Variants in GRID2 observed in about 807,000 individuals in gnomAD.
GRID2 encodes the protein glutamate ionotropic receptor delta type subunit 2.
Under a neutral mutation model 114.8 loss-of-function variants are expected in GRID2, and 33 were observed. That is an observed-to-expected ratio of 0.29 (90% CI 0.22 to 0.38). The LOEUF is 0.38. Among genes scored for constraint, GRID2 ranks in the 10% least tolerant of loss-of-function variants. The pLI is 1.00. For synonymous variants in GRID2, 505 were observed against 449.9 expected, an observed-to-expected ratio of 1.12 and a Z score of -1.55; for missense variants, 1,184 against 1,257.7, an observed-to-expected ratio of 0.94 and a Z score of 0.89.
chr4:92,865,320 G>T (rs1744784372), intron 2 of GRID2, among the ~76,000 whole-genome samples: 1 of 152,094 alleles, frequency 6.6e-6, no homozygotes, highest in Admixed American at 6.5e-5. Flanking sequence ...TCTAACAAAT[G>T]GATGTTTTGG....
At chr4:92,552,808 T>C (rs1214064836) in intron 1 of GRID2, among the ~76,000 whole-genome samples, 1 of 152,154 alleles carries the variant, frequency 6.6e-6, no homozygotes, top group Non-Finnish European at 1.5e-5. Context: ...GGACTTAGAA[T>C]AACAAGCAAA....
intron 2 of GRID2, among the ~76,000 whole-genome samples, chr4:93,012,876 A>C (rs1560794691): frequency 6.6e-6 from 1 of 151,974 alleles, no homozygotes; most frequent in African/African-American, 2.4e-5. Context: ...TATACGTGGG[A>C]ATATATATGA....
intron 11 of GRID2, among the ~76,000 whole-genome samples, chr4:93,490,141 A>G (rs1163974826): frequency 6.6e-6 from 1 of 151,938 alleles, no homozygotes; most frequent in Non-Finnish European, 1.5e-5. Context: ...AAAGTAGAAC[A>G]AAGCAAGTAT....
chr4:92,698,013 AC>A (rs1216723836), intron 2 of GRID2, among the ~76,000 whole-genome samples: 1 of 152,180 alleles, frequency 6.6e-6, no homozygotes, highest in Non-Finnish European at 1.5e-5. Context: ...TCAATTAAAT[AC>A]ATCAACTCAT....
intron 2 of GRID2, among the ~76,000 whole-genome samples, chr4:92,666,146 A>G (rs1032504592): frequency 1.3e-5 from 2 of 151,472 alleles, no homozygotes; most frequent in South Asian, 2.1e-4. Flanking sequence ...CCATTGTCCT[A>G]TATCCAAATG....
At chr4:93,715,812 G>A (rs904903146) in intron 14 of GRID2, among the ~76,000 whole-genome samples, 2 of 152,182 alleles carry the variant, frequency 1.3e-5, no homozygotes, top group African/African-American at 4.8e-5. Flanking sequence ...TTGTATATCA[G>A]CTGGAGAAAC....
At chr4:93,636,959 GT>G (rs1721462929) in intron 14 of GRID2, among the ~76,000 whole-genome samples, 1 of 152,022 alleles carries the variant, frequency 6.6e-6, no homozygotes, top group Admixed American at 6.6e-5. Context: ...AAAAAAGTCA[GT>G]TTTTATCCCT....
chr4:92,412,874 T>A (rs1403851787), intron 1 of GRID2, among the ~76,000 whole-genome samples: 1 of 152,204 alleles, frequency 6.6e-6, no homozygotes, highest in East Asian at 1.9e-4. Context: ...ACATCCTATG[T>A]GACCTCCACA....
chr4:93,429,751 C>T (rs776151568), intron 10 of GRID2, among the ~76,000 whole-genome samples: 2 of 152,102 alleles, frequency 1.3e-5, no homozygotes, highest in Non-Finnish European at 2.9e-5. Flanking sequence ...CTATACTTAG[C>T]ATGTAAGTAT....
At chr4:92,371,184 C>T (rs755101152) in intron 1 of GRID2, among the ~76,000 whole-genome samples, 26 of 152,100 alleles carry the variant, frequency 1.7e-4, no homozygotes, top group Non-Finnish European at 3.4e-4. Flanking sequence ...ACAAAAAGTA[C>T]AAGGTAAAGC....
At chr4:93,055,916 G>A (rs1208019204) in intron 2 of GRID2, among the ~76,000 whole-genome samples, 1 of 151,818 alleles carries the variant, frequency 6.6e-6, no homozygotes, top group Non-Finnish European at 1.5e-5. Context: ...TATTATGAAA[G>A]AACCCCCTTT....
rs1269987418 is a variant in GRID2, at chr4:92,313,498, TAATAA to T, written c.88+8761_88+8765del. 1.5e-4 allele frequency among the ~76,000 whole-genome samples: 23 copies of T among 151,664 alleles called. No individual in the cohort carries two copies. In the East Asian group the frequency reaches 4.3e-3, roughly 28 times the overall value. ...AGTAAAATTAAAAGAAAGAAAATAA[TAATAA>T]AATAAATAAAAATAAAGGAATGGAG... On this transcript the variant is annotated intron_variant, in intron 1 of 15. Coordinates refer to ENST00000282020, the MANE Select transcript of GRID2 (RefSeq NM_001510.4).
intron 2 of GRID2, among the ~76,000 whole-genome samples, chr4:93,042,975 G>A (rs187636637): frequency 2.0e-5 from 3 of 151,998 alleles, no homozygotes; most frequent in Admixed American, 2.0e-4. Flanking sequence ...CTGCCAATTA[G>A]GAGGACATAT....
At chr4:93,235,526 A>G (rs1222897340) in intron 7 of GRID2, among the ~76,000 whole-genome samples, 1 of 152,130 alleles carries the variant, frequency 6.6e-6, no homozygotes, top group Non-Finnish European at 1.5e-5. Flanking sequence ...GAATTTTCTA[A>G]GGCAATCCAA....
At chr4:92,396,803 G>A (rs1358997696) in intron 1 of GRID2, among the ~76,000 whole-genome samples, 2 of 151,984 alleles carry the variant, frequency 1.3e-5, no homozygotes, top group African/African-American at 2.4e-5. Context: ...CACATCAGGT[G>A]CTTCCAGTCC....
At chr4:92,913,498 T>G (rs1357712495) in intron 2 of GRID2, among the ~76,000 whole-genome samples, 6 of 151,892 alleles carry the variant, frequency 4.0e-5, no homozygotes, top group Non-Finnish European at 7.4e-5. Context: ...GAACTCCCTC[T>G]GTTTTATATT....
rs986062138 is a variant in GRID2, at chr4:93,490,549, G to A, written c.1859-90G>A. 8 of 912,506 alleles carry A rather than the reference G, an allele frequency of 8.8e-6. No individual in the cohort carries two copies. The African/African-American group carries it at 1.3e-4, about 15-fold the overall frequency. 56.5% of individuals were successfully genotyped at this position (912,506 alleles called of 1,614,324 possible). On this transcript the variant is annotated intron_variant, in intron 11 of 15. Coordinates refer to ENST00000282020, the MANE Select transcript of GRID2 (RefSeq NM_001510.4). ...TAAGCAGAAAAAATTCTCACTACTT[G>A]CAAGTTAATTTGGTGTTGAATATAG...
At chr4:93,075,935 G>A (rs1175290657) in intron 2 of GRID2, among the ~76,000 whole-genome samples, 2 of 113,116 alleles carry the variant, frequency 1.8e-5, no homozygotes, top group Non-Finnish European at 3.3e-5. Context: ...ATGGAGTCTC[G>A]CTCTGTCACC....
intron 13 of GRID2, among the ~76,000 whole-genome samples, chr4:93,592,794 G>C (rs553635554): frequency 4.6e-5 from 7 of 152,104 alleles, no homozygotes; most frequent in Non-Finnish European, 8.8e-5. Context: ...TTGAATTGAT[G>C]CCTTTACCAT....
Sources: gnomAD v4.1 joint callset for allele counts (sites outside exome capture counted in the v4.1 genomes callset) on GRCh38, gnomAD v4.1.1 for gene constraint, MANE v1.5 for transcripts, NCBI Gene and HGNC (gene_info 2026-07-23, HGNC 2026-07-21) for gene names.